The following DUSP29 variants were observed in gnomAD, a reference collection of about 807,000 sequenced individuals.
DUSP29 encodes dual specificity phosphatase 29.
DUSP29 carries 12 observed loss-of-function variants against 13.5 expected under a neutral mutation model. The observed-to-expected ratio is 0.89, with a 90% CI of 0.57 to 1.44. The LOEUF (loss-of-function observed/expected upper bound fraction) is 1.44. DUSP29 is among the 40% of genes most tolerant of loss of function. DUSP29 has a pLI of 0.00. For missense variants in DUSP29, 308 were observed against 301.1 expected, an observed-to-expected ratio of 1.02 and a Z score of -0.17; for synonymous variants, 134 against 128.7, an observed-to-expected ratio of 1.04 and a Z score of -0.28.
chr10:75,072,643 G>A (rs766481211), intron 1 of DUSP29, among the ~76,000 whole-genome samples: 2 of 152,068 alleles, frequency 1.3e-5, no homozygotes, highest in African/African-American at 2.4e-5. Flanking sequence ...TGGGGGCAGC[G>A]GAAAAAACAT....
chr10:75,064,457 G>A (rs1847153931), intron 1 of DUSP29, among the ~76,000 whole-genome samples: 1 of 152,186 alleles, frequency 6.6e-6, no homozygotes, highest in Non-Finnish European at 1.5e-5. Flanking sequence ...GCAGTGAACC[G>A]AGATCGCGCC....
Position 75,038,066 on chromosome 10 carries a change from C to CCAGG in DUSP29, c.429_432dup (p.Val145ProfsTer70), listed in dbSNP as rs1347139154. Reference sequence around the variant, plus strand: ...CGGCTGCGGCCCATGACGCAGTGAACCAGGATCTTACCTGCAGATGGAGCA... The same window carrying CCAGG: ...CGGCTGCGGCCCATGACGCAGTGAACCAGGCAGGATCTTACCTGCAGATGGAGCA... On this transcript the variant is annotated frameshift_variant, in exon 4 of 4. Coordinates refer to ENST00000338487, the MANE Select transcript of DUSP29 (RefSeq NM_001003892.3). LOFTEE classifies it high-confidence loss of function. 3.1e-6 allele frequency: 5 copies of CCAGG among 1,612,866 alleles called. No individual in the cohort carries two copies. Among genetic ancestry groups the CCAGG allele is most frequent in the Non-Finnish European group, 4.2e-6 (5 of 1,179,574 alleles).
chr10:75,057,876 A>T (rs1846994802), intron 2 of DUSP29, among the ~76,000 whole-genome samples: 3 of 152,180 alleles, frequency 2.0e-5, no homozygotes. Flanking sequence ...GGGCAGGGGA[A>T]GTCTGGGATG....
intron 3 of DUSP29, among the ~76,000 whole-genome samples, chr10:75,040,793 AGGGACT>A (rs2134280056): frequency 6.6e-6 from 1 of 152,324 alleles, no homozygotes; most frequent in Admixed American, 6.5e-5. Context: ...GGGCAGGACC[AGGGACT>A]GGATTATCTC....
At chr10:75,055,403 A>T (rs1846937650) in intron 2 of DUSP29, among the ~76,000 whole-genome samples, 2 of 152,238 alleles carry the variant, frequency 1.3e-5, no homozygotes, top group African/African-American at 4.8e-5. Flanking sequence ...TATCACACAG[A>T]GATTGGCAAT....
chr10:75,054,923 A>G (rs1390028059), intron 2 of DUSP29, among the ~76,000 whole-genome samples: 2 of 151,974 alleles, frequency 1.3e-5, no homozygotes, highest in African/African-American at 4.8e-5. Flanking sequence ...CACTGTAGCC[A>G]TGACCTCCTG....
chr10:75,067,466 G>A (rs752793281), intron 1 of DUSP29, among the ~76,000 whole-genome samples: 2 of 152,138 alleles, frequency 1.3e-5, no homozygotes, highest in African/African-American at 2.4e-5. Context: ...TGCTTAGCTT[G>A]GTCTTAGTCT....
chr10:75,040,249 C>T (rs1846554859), intron 3 of DUSP29, among the ~76,000 whole-genome samples: 1 of 152,216 alleles, frequency 6.6e-6, no homozygotes, highest in African/African-American at 2.4e-5. Flanking sequence ...AGAGAATCAA[C>T]CTCCTGCTTG....
At chr10:75,049,300 G>T (rs946936053) in intron 2 of DUSP29, among the ~76,000 whole-genome samples, 1 of 152,238 alleles carries the variant, frequency 6.6e-6, no homozygotes, top group Non-Finnish European at 1.5e-5. Context: ...TCTCCTGTCT[G>T]CCCCACTCTC....
At chr10:75,067,721 G>C (rs1011322318) in intron 1 of DUSP29, among the ~76,000 whole-genome samples, 2 of 152,176 alleles carry the variant, frequency 1.3e-5, no homozygotes, top group Non-Finnish European at 2.9e-5. Context: ...ACAATTTATA[G>C]TGTAAACATT....
At position 75,043,891 on chromosome 10, in the gene DUSP29, G is replaced by A; in HGVS notation, c.327C>T (p.His109=). ...DYYRDMDIQY[H]GVEADDLPTF... ...TGGGCAGGTCGTCGGCCTCCACGCCGTGGTACTGGATGTCCATGTCGCGGT... is the reference window on the plus strand; with the variant it reads ...TGGGCAGGTCGTCGGCCTCCACGCCATGGTACTGGATGTCCATGTCGCGGT... Residue 109 remains histidine (H), a synonymous_variant, in exon 3 of 4, where the codon CAC becomes CAT. Coordinates refer to ENST00000338487, the MANE Select transcript of DUSP29 (RefSeq NM_001003892.3). The A allele has an allele frequency of 6.2e-7, 1 of 1,614,046 alleles. No homozygotes were observed. Among genetic ancestry groups the A allele is most frequent in the Non-Finnish European group, 8.5e-7 (1 of 1,179,948 alleles).
chr10:75,063,332 G>C (rs1564645710), intron 1 of DUSP29, among the ~76,000 whole-genome samples: 1 of 152,104 alleles, frequency 6.6e-6, no homozygotes. Flanking sequence ...GGTGCCTACA[G>C]GTGCCTCCTC....
chr10:75,053,165 T>G (rs1369507808), intron 2 of DUSP29, among the ~76,000 whole-genome samples: 1 of 152,194 alleles, frequency 6.6e-6, no homozygotes, highest in Admixed American at 6.5e-5. Flanking sequence ...GCTATTAGAC[T>G]AGCACAGCTA....
intron 1 of DUSP29, among the ~76,000 whole-genome samples, chr10:75,063,626 G>T (rs1234806634): frequency 6.6e-6 from 1 of 151,934 alleles, no homozygotes; most frequent in East Asian, 1.9e-4. Context: ...CCCAGAGTGG[G>T]ACTCTGCTCG....
chr10:75,067,610 G>A (rs1265530144), intron 1 of DUSP29, among the ~76,000 whole-genome samples: 2 of 152,146 alleles, frequency 1.3e-5, no homozygotes, highest in Non-Finnish European at 2.9e-5. Flanking sequence ...CCCCTGTGTA[G>A]GGTTGGGCTG....
At position 75,058,376 on chromosome 10, in the gene DUSP29, T is replaced by C; in HGVS notation, c.139A>G (p.Lys47Glu). ...ACGTGGGTGTACTGGGGACTGCCCT[T>C]CCAGAAGAGCCGCTCCAGCTCAAAG... ...GAFELERLFW[K>E]GSPQYTHVNE... Residue 47 changes from lysine (K) to glutamate (E), a missense_variant, in exon 2 of 4, where the codon AAG becomes GAG. Coordinates refer to ENST00000338487, the MANE Select transcript of DUSP29 (RefSeq NM_001003892.3). 1 of 1,614,192 alleles carries C rather than the reference T, an allele frequency of 6.2e-7. No homozygotes were observed. Among genetic ancestry groups the C allele is most frequent in the Non-Finnish European group, 8.5e-7 (1 of 1,180,032 alleles).
At chr10:75,061,492 A>G (rs769321751) in intron 1 of DUSP29, among the ~76,000 whole-genome samples, 2 of 152,196 alleles carry the variant, frequency 1.3e-5, no homozygotes, top group East Asian at 3.9e-4. Flanking sequence ...ACTAACCAAA[A>G]ATACAGATAT....
At chr10:75,061,829 A>G (rs1296736303) in intron 1 of DUSP29, among the ~76,000 whole-genome samples, 1 of 152,054 alleles carries the variant, frequency 6.6e-6, no homozygotes, top group African/African-American at 2.4e-5. Flanking sequence ...TTGGATGAGG[A>G]AGTGGCTTAG....
At chr10:75,044,092 G>T (rs1264407434) in intron 2 of DUSP29, 75 bp from the exon 3 acceptor site, 3 of 1,383,984 alleles carry the variant, frequency 2.2e-6, no homozygotes, top group Admixed American at 2.1e-5. Context: ...GGCCACCCAC[G>T]CTTTCCGCTG....
Sources: allele counts gnomAD v4.1 joint callset (sites outside exome capture counted in the v4.1 genomes callset), GRCh38; gene constraint gnomAD v4.1.1; transcripts MANE v1.5; gene names NCBI Gene and HGNC (gene_info 2026-07-23, HGNC 2026-07-21).